STARD9: variants seen among roughly 807,000 people sequenced by gnomAD.
STARD9 encodes StAR related lipid transfer domain containing 9, also known as stAR-related lipid transfer protein 9.
A neutral mutation model predicts 399.8 loss-of-function variants in STARD9; 346 were observed. That is an observed-to-expected ratio of 0.87 (90% CI 0.79 to 0.95). The LOEUF is 0.95. STARD9 is among the 40% of genes least tolerant of loss of function. STARD9 has a pLI of 0.00. For synonymous variants in STARD9, 2,203 were observed against 2,143.5 expected (o/e 1.03, Z -0.77); for missense variants, 5,832 against 5,667.5 (o/e 1.03, Z -0.93).
intron 16 of STARD9, chr15:42,673,111 A>T (rs1368392722): frequency 1.3e-5 from 2 of 150,024 alleles, no homozygotes; most frequent in Non-Finnish European, 3.0e-5. Flanking sequence ...AAAAAAAAAA[A>T]AAATTACTGG....
At chr15:42,575,851 C>T (rs1400735419) in intron 1 of STARD9, 89 bp downstream of exon 1, 3 of 1,403,342 alleles carry the variant, frequency 2.1e-6, no homozygotes, top group Non-Finnish European at 2.9e-6. Context: ...GATTCTGGCG[C>T]GCAGAAATCG....
At chr15:42,622,254 CAG>C (rs1354755470) in intron 3 of STARD9, among the ~76,000 whole-genome samples, 8 of 152,130 alleles carry the variant, frequency 5.3e-5, no homozygotes, top group Non-Finnish European at 1.2e-4. Flanking sequence ...GCCTGGGAGA[CAG>C]AGTGAGACCC....
At chr15:42,719,185 G>T (rs1199162936) in intron 32 of STARD9, among the ~76,000 whole-genome samples, 1 of 152,220 alleles carries the variant, frequency 6.6e-6, no homozygotes, top group Non-Finnish European at 1.5e-5. Flanking sequence ...GTGTCCTTAG[G>T]AGATAGATGA....
chr15:42,647,188 T>C (rs1370607193), intron 7 of STARD9, among the ~76,000 whole-genome samples: 1 of 152,220 alleles, frequency 6.6e-6, no homozygotes, highest in African/African-American at 2.4e-5. Context: ...AAATTTTCCA[T>C]GTATGCTTGA....
At chr15:42,626,753 C>T (rs375763750) in intron 3 of STARD9, among the ~76,000 whole-genome samples, 3 of 151,792 alleles carry the variant, frequency 2.0e-5, no homozygotes, top group African/African-American at 7.2e-5. Flanking sequence ...CCCAGGTGAT[C>T]CACCCACCTC....
chr15:42,616,747 T>C (rs1476117954), intron 3 of STARD9, among the ~76,000 whole-genome samples: 2 of 151,620 alleles, frequency 1.3e-5, no homozygotes, highest in African/African-American at 4.8e-5. Context: ...AAAAATTAGC[T>C]GGGTGTAGTG....
chr15:42,632,124 G>C (rs2059344024), intron 3 of STARD9, among the ~76,000 whole-genome samples: 1 of 152,124 alleles, frequency 6.6e-6, no homozygotes, highest in Non-Finnish European at 1.5e-5. Context: ...GGGTGATCCA[G>C]TGTTGGGTAC....
Position 42,663,720 on chromosome 15 carries a change from T to C in STARD9, c.1079-100T>C, listed in dbSNP as rs557974103. On this transcript the variant is annotated intron_variant, in intron 12 of 32. Transcript: ENST00000290607. ...ATGACCACCTAGGTTTCTCATTTCATCAGGGGTCTTATACAGCATGGGCAG... is the reference window on the plus strand; with the variant it reads ...ATGACCACCTAGGTTTCTCATTTCACCAGGGGTCTTATACAGCATGGGCAG... 3.1e-6 allele frequency: 3 copies of C among 968,254 alleles called. No homozygotes were observed. The Admixed American group carries it at 6.5e-5, about 21-fold the overall frequency. The allele number at this position is 968,254 out of a possible 1,614,324, so 60.0% of individuals were successfully genotyped here.
intron 9 of STARD9, among the ~76,000 whole-genome samples, chr15:42,659,803 G>C (rs1411263444): frequency 3.3e-5 from 5 of 151,996 alleles, no homozygotes; most frequent in Non-Finnish European, 7.4e-5. Flanking sequence ...GGATTACAGG[G>C]GTGAGTCATC....
chr15:42,710,093 C>T (rs994016140), intron 26 of STARD9, among the ~76,000 whole-genome samples: 3 of 146,416 alleles, frequency 2.0e-5, no homozygotes, highest in African/African-American at 5.1e-5. Flanking sequence ...AGGGTCTTGC[C>T]GTGTTGCCCA....
intron 3 of STARD9, among the ~76,000 whole-genome samples, chr15:42,628,684 A>T (rs868782060): frequency 6.6e-6 from 1 of 152,076 alleles, no homozygotes; most frequent in South Asian, 2.1e-4. Flanking sequence ...TGTTGAAGAG[A>T]CTGTCTTCTC....
rs575672562 is a variant in STARD9 at position 42,688,984 on chromosome 15, C to T, written c.7406C>T (p.Ala2469Val). 4 of 1,537,326 alleles carry T rather than the reference C, an allele frequency of 2.6e-6. No homozygotes were observed. The African/African-American group carries it at 4.1e-5, about 16-fold the overall frequency. Residue 2469 changes from alanine to valine, a missense_variant, in exon 23 of 33, where the codon GCT becomes GTT. Ala to Val is a moderately conservative substitution (Grantham distance 64). Around this residue, in one of 2 missense-constraint regions of STARD9, gnomAD observed 5,828 missense variants for 5,651.1 expected, o/e 1.03. Coordinates refer to ENST00000290607, the MANE Select transcript of STARD9 (RefSeq NM_020759.3). ...GATTTTGCTTCTGAAGCCGAGGTGG[C>T]TGTACAAAAAGAAATAAGAGTCAGT... ...SEDFASEAEV[A>V]VQKEIRVSSL...
rs773568355 is a variant in STARD9 at position 42,685,263 on chromosome 15, G to A, written c.3685G>A (p.Glu1229Lys). The change falls in exon 23 of 33, where the codon GAG becomes AAG. Residue 1229 changes from glutamate (E) to lysine (K), a missense_variant. Physicochemically the swap from Glu to Lys is moderately conservative, Grantham distance 56 (BLOSUM62 1). Coordinates refer to ENST00000290607, the MANE Select transcript of STARD9 (RefSeq NM_020759.3). The part of the protein sequence containing the change: ...QEEPFPGSAD[E>K]IPTETFWHLE... ...AGAACCTTTCCCTGGTTCAGCTGAC[G>A]AGATACCCACAGAGACTTTTTGGCA... The A allele has an allele frequency of 9.8e-6, 15 of 1,537,418 alleles. No individual in the cohort carries two copies. In the East Asian group the frequency reaches 2.7e-4, roughly 28 times the overall value.
At chr15:42,635,218 C>T (rs1243778476) in intron 4 of STARD9, among the ~76,000 whole-genome samples, 1 of 148,662 alleles carries the variant, frequency 6.7e-6, no homozygotes, top group African/African-American at 2.5e-5. Context: ...TGAGATCGTG[C>T]CATTGCACTC....
chr15:42,715,593 T>C (rs1014405276), intron 26 of STARD9, among the ~76,000 whole-genome samples: 6 of 151,296 alleles, frequency 4.0e-5, no homozygotes, highest in African/African-American at 1.2e-4. Flanking sequence ...CAATCTCGGC[T>C]CACTGCAACC....
At position 42,675,986 on chromosome 15, in the gene STARD9, G is replaced by C; in HGVS notation, c.1874+11G>C. ...GCTTTGGAAGGAAAGGTAAGAAATA[G>C]CTGCTTATACTGATGTGGAACCTAC... On this transcript the variant is annotated intron_variant, in intron 20 of 32. Coordinates refer to ENST00000290607, the MANE Select transcript of STARD9 (RefSeq NM_020759.3). The C allele has an allele frequency of 6.6e-7, 1 of 1,519,132 alleles. No individual in the cohort carries two copies. Among genetic ancestry groups the C allele is most frequent in the Non-Finnish European group, 8.8e-7 (1 of 1,136,382 alleles). 94.1% of individuals were successfully genotyped at this position (1,519,132 alleles called of 1,614,324 possible).
intron 4 of STARD9, among the ~76,000 whole-genome samples, chr15:42,637,422 C>A (rs1337307413): frequency 1.3e-5 from 2 of 152,144 alleles, no homozygotes; most frequent in East Asian, 3.9e-4. Flanking sequence ...CGCAGGTTGC[C>A]CAGGCTTGTC....
chr15:42,693,478 C>T lies in STARD9; in HGVS notation c.11900C>T (p.Ser3967Phe). Reference protein sequence around the residue: ...ELGGSQRGRSSLQRSNGRSFL... With the variant: ...ELGGSQRGRSFLQRSNGRSFL... ...GGTGGCTCCCAGAGAGGTAGAAGTT[C>T]CTTACAAAGGAGTAATGGGAGATCC... Residue 3967 changes from serine (S) to phenylalanine (F), a missense_variant, in exon 23 of 33, where the codon TCC becomes TTC. Physicochemically the swap from Ser to Phe is radical, Grantham distance 155 (BLOSUM62 -2). Transcript: ENST00000290607. 2.0e-6 allele frequency: 3 copies of T among 1,537,268 alleles called. No individual in the cohort carries two copies. The highest frequency in any genetic ancestry group is 1.7e-4 in the Middle Eastern group (1 of 5,990).
chr15:42,686,626 C>T lies in STARD9; in HGVS notation c.5048C>T (p.Pro1683Leu). The T allele has an allele frequency of 6.5e-7, 1 of 1,537,282 alleles. No individual in the cohort carries two copies. Among genetic ancestry groups the T allele is most frequent in the Non-Finnish European group, 8.7e-7 (1 of 1,146,950 alleles). The change falls in exon 23 of 33, where the codon CCA becomes CTA. Residue 1683 changes from proline to leucine, a missense_variant. Transcript: ENST00000290607. Reference sequence around the variant, plus strand: ...CTCAGGAAAAATAGTGCAGTCCAGCCAGGGCAATTAAGTCCCGACAGCCAC... The same window carrying T: ...CTCAGGAAAAATAGTGCAGTCCAGCTAGGGCAATTAAGTCCCGACAGCCAC... The part of the protein sequence containing the change: ...APLRKNSAVQ[P>L]GQLSPDSHYP...
Sources: gnomAD v4.1 joint callset for allele counts (sites outside exome capture counted in the v4.1 genomes callset) on GRCh38, gnomAD v4.1.1 for gene constraint, gnomAD v4.1.1 regional missense constraint, MANE v1.5 for transcripts, NCBI Gene and HGNC (gene_info 2026-07-23, HGNC 2026-07-21) for gene names.